The following PEX7 variants were observed in gnomAD, a reference collection of about 807,000 sequenced individuals.
PEX7 encodes the protein PTS2 receptor.
A neutral mutation model predicts 47.5 loss-of-function variants in PEX7; 34 were observed. The ratio of observed to expected loss-of-function variants is 0.72; its 90% CI spans 0.54 to 0.95. The LOEUF (loss-of-function observed/expected upper bound fraction) is 0.95, where lower values mean the gene tolerates loss of function less well. Among genes scored for constraint, PEX7 ranks in the 40% least tolerant of loss-of-function variants. The pLI, the probability that PEX7 is intolerant of heterozygous loss-of-function variation, is 0.00. For synonymous variants in PEX7, 141 were observed against 148.8 expected, an observed-to-expected ratio of 0.95 and a Z score of 0.38; for missense variants, 394 against 400.3, an observed-to-expected ratio of 0.98 and a Z score of 0.13.
At chr6:136,872,393 T>A in intron 8 of PEX7, 140 bp downstream of exon 8, 1 of 690,414 alleles carries the variant, frequency 1.4e-6, no homozygotes, top group Non-Finnish European at 2.5e-6. Context: ...TTACTAGGAT[T>A]AATATTATAT....
At chr6:136,823,745 C>A (rs530846584) in intron 1 of PEX7, among the ~76,000 whole-genome samples, 1 of 152,128 alleles carries the variant, frequency 6.6e-6, no homozygotes, top group African/African-American at 2.4e-5. Flanking sequence ...ACAAAATTAG[C>A]CGGGCGTGGT....
chr6:136,833,997 C>T lies in PEX7; in HGVS notation c.339+7528C>T, dbSNP rs567723523. Among the ~76,000 whole-genome samples, 4 of 152,068 alleles carry T rather than the reference C, an allele frequency of 2.6e-5. No homozygotes were observed. The East Asian group carries it at 7.7e-4, about 29-fold the overall frequency. ...TGCAGACAAACCATTTAGGGTCCCACGTAAATTAAAAAACAACAACAACAA... is the reference window on the plus strand; with the variant it reads ...TGCAGACAAACCATTTAGGGTCCCATGTAAATTAAAAAACAACAACAACAA... On this transcript the variant is annotated intron_variant, in intron 3 of 9. Coordinates refer to ENST00000318471, the MANE Select transcript of PEX7 (RefSeq NM_000288.4).
intron 9 of PEX7, among the ~76,000 whole-genome samples, chr6:136,904,302 C>A (rs1242058981): frequency 6.6e-6 from 1 of 152,150 alleles, no homozygotes; most frequent in African/African-American, 2.4e-5. Context: ...TTTTAGCTTA[C>A]AATGATATAA....
At chr6:136,861,015 G>A (rs1156388085) in intron 5 of PEX7, among the ~76,000 whole-genome samples, 1 of 152,116 alleles carries the variant, frequency 6.6e-6, no homozygotes, top group Non-Finnish European at 1.5e-5. Context: ...ACTCATCCAT[G>A]TTATTCCTAC....
At chr6:136,865,176 C>T (rs1225778494) in intron 5 of PEX7, among the ~76,000 whole-genome samples, 2 of 152,152 alleles carry the variant, frequency 1.3e-5, no homozygotes, top group Non-Finnish European at 2.9e-5. Context: ...GTTGGCCAGG[C>T]ATGGTGGCTC....
intron 9 of PEX7, among the ~76,000 whole-genome samples, chr6:136,904,282 T>TTG (rs758276022): frequency 5.9e-5 from 9 of 152,332 alleles, no homozygotes; most frequent in Non-Finnish European, 1.3e-4. Context: ...GCTTTCATAA[T>TTG]TGTGTAATTT....
chr6:136,905,171 C>T (rs551257363), intron 9 of PEX7, among the ~76,000 whole-genome samples: 17 of 152,094 alleles, frequency 1.1e-4, no homozygotes, highest in Admixed American at 3.3e-4. Flanking sequence ...CATCTTTTTC[C>T]GTCTCTGTCA....
At chr6:136,846,316 C>T in intron 5 of PEX7, 135 bp downstream of exon 5, 1 of 451,896 alleles carries the variant, frequency 2.2e-6, no homozygotes, top group East Asian at 3.5e-5. Flanking sequence ...GTTCTTAAGA[C>T]TTTACTTCTT....
intron 3 of PEX7, among the ~76,000 whole-genome samples, chr6:136,843,535 T>G (rs1194718258): frequency 1.3e-5 from 2 of 152,176 alleles, no homozygotes; most frequent in African/African-American, 4.8e-5. Context: ...AGTGACCAAA[T>G]AGCCTGTAAA....
At chr6:136,863,892 A>G (rs1032975679) in intron 5 of PEX7, among the ~76,000 whole-genome samples, 9 of 152,266 alleles carry the variant, frequency 5.9e-5, no homozygotes, top group African/African-American at 1.9e-4. Context: ...CTGGAAATTA[A>G]AAGAATTAAA....
At chr6:136,885,817 A>G (rs1775458784) in intron 8 of PEX7, among the ~76,000 whole-genome samples, 1 of 152,208 alleles carries the variant, frequency 6.6e-6, no homozygotes, top group Non-Finnish European at 1.5e-5. Flanking sequence ...CAGGTAACAT[A>G]GTAGGACCAC....
At chr6:136,868,455 A>G (rs963395995) in intron 6 of PEX7, among the ~76,000 whole-genome samples, 4 of 152,128 alleles carry the variant, frequency 2.6e-5, no homozygotes, top group African/African-American at 9.7e-5. Flanking sequence ...ATACAATGAT[A>G]TTACTCAATC....
At chr6:136,860,262 G>A (rs1426058083) in intron 5 of PEX7, among the ~76,000 whole-genome samples, 1 of 152,074 alleles carries the variant, frequency 6.6e-6, no homozygotes, top group African/African-American at 2.4e-5. Context: ...CTTCCTACCT[G>A]GAAAACAAAA....
chr6:136,908,447 C>CTTCCCATTCTCAGATA (rs1775879034), intron 9 of PEX7, among the ~76,000 whole-genome samples: 2 of 150,732 alleles, frequency 1.3e-5, no homozygotes, highest in Non-Finnish European at 3.0e-5. Flanking sequence ...ATTTTTTTTT[C>CTTCCCATTCTCAGATA]TGTAATGTCA....
chr6:136,884,187 G>C (rs2115250876), intron 8 of PEX7, among the ~76,000 whole-genome samples: 1 of 152,284 alleles, frequency 6.6e-6, no homozygotes, highest in Non-Finnish European at 1.5e-5. Context: ...TCTAATGCCT[G>C]TGTGAGTCTA....
chr6:136,844,288 T>G (rs1240762657), intron 3 of PEX7, among the ~76,000 whole-genome samples: 1 of 152,108 alleles, frequency 6.6e-6, no homozygotes, highest in Non-Finnish European at 1.5e-5. Flanking sequence ...GAGGACCGCT[T>G]GAGCCCAGGA....
intron 3 of PEX7, among the ~76,000 whole-genome samples, chr6:136,841,561 G>T (rs546114045): frequency 1.9e-4 from 29 of 152,108 alleles, no homozygotes; most frequent in African/African-American, 6.5e-4. Flanking sequence ...CACCCCTTTT[G>T]TACTTATGTT....
intron 9 of PEX7, among the ~76,000 whole-genome samples, chr6:136,901,697 G>A (rs902565532): frequency 1.3e-5 from 2 of 152,204 alleles, no homozygotes; most frequent in Admixed American, 6.5e-5. Context: ...AGACTGTACC[G>A]TTTGATGGGA....
intron 3 of PEX7, among the ~76,000 whole-genome samples, chr6:136,828,163 C>T (rs928272768): frequency 1.4e-4 from 22 of 152,118 alleles, no homozygotes; most frequent in African/African-American, 4.8e-4. Flanking sequence ...TTCATTTATC[C>T]TAAAACAGTA....
Sources: allele counts gnomAD v4.1 joint callset (sites outside exome capture counted in the v4.1 genomes callset), GRCh38; gene constraint gnomAD v4.1.1; transcripts MANE v1.5; gene names NCBI Gene and HGNC (gene_info 2026-07-23, HGNC 2026-07-21).